The following COX7A2L variants were observed in gnomAD, a reference collection of about 807,000 sequenced individuals.
The protein encoded by COX7A2L is cytochrome c oxidase subunit 7A2-like, mitochondrial.
Under a neutral mutation model 14.2 loss-of-function variants are expected in COX7A2L, and 18 were observed. The ratio of observed to expected loss-of-function variants is 1.27; its 90% CI spans 0.88 to 1.88. The LOEUF (loss-of-function observed/expected upper bound fraction) is 1.88, where lower values mean the gene tolerates loss of function less well. COX7A2L is among the 40% of genes most tolerant of loss of function. The pLI is 0.00. For synonymous variants in COX7A2L, 65 were observed against 57.4 expected, an observed-to-expected ratio of 1.13 and a Z score of -0.60; for missense variants, 179 against 138.8, an observed-to-expected ratio of 1.29 and a Z score of -1.46.
upstream of COX7A2L, among the ~76,000 whole-genome samples, chr2:42,362,787 T>TA (rs1195926211): frequency 6.6e-6 from 1 of 151,990 alleles, no homozygotes; most frequent in Non-Finnish European, 1.5e-5. Flanking sequence ...GACACTGTGA[T>TA]ATAATGGAAA....
At chr2:42,359,895 T>C (rs1352371845) in intron 1 of COX7A2L, 1 of 150,618 alleles carries the variant, frequency 6.6e-6, no homozygotes, top group Non-Finnish European at 1.5e-5. Context: ...TAGAATCATC[T>C]GTTTTTGTTT....
downstream of COX7A2L, among the ~76,000 whole-genome samples, chr2:42,348,177 C>T (rs1670535601): frequency 6.6e-6 from 1 of 152,138 alleles, no homozygotes. Flanking sequence ...CTCATCTTCA[C>T]AGAAGAAATA....
At position 42,349,998 on chromosome 2, in the gene COX7A2L, G is replaced by A. The variant is rs928450768; in HGVS notation, c.*1221C>T. The A allele has an allele frequency of 6.6e-6, 1 of 152,108 alleles. No homozygotes were observed. The highest frequency in any genetic ancestry group is 1.5e-5 in the Non-Finnish European group (1 of 68,018). 9.4% of individuals were successfully genotyped at this position (152,108 alleles called of 1,614,324 possible). A position where few individuals can be genotyped will look rare whatever the true frequency, so the allele number is the denominator to read the frequency against. ...ATATTGTACTATGCTTAGTCCTTCTGTAGTCTGAAAATTTTCAAAATAAAA... is the reference window on the plus strand; with the variant it reads ...ATATTGTACTATGCTTAGTCCTTCTATAGTCTGAAAATTTTCAAAATAAAA... On this transcript the variant is annotated 3_prime_UTR_variant, in exon 3 of 3. Transcript: ENST00000234301.
intron 2 of COX7A2L, among the ~76,000 whole-genome samples, chr2:42,344,033 C>T (rs1030988900): frequency 6.6e-6 from 1 of 152,174 alleles, no homozygotes; most frequent in Non-Finnish European, 1.5e-5. Flanking sequence ...CACTGCTTTA[C>T]AAGGACAAGT....
chr2:42,335,733 T>C (rs1313495139), intron 2 of COX7A2L, among the ~76,000 whole-genome samples: 1 of 152,222 alleles, frequency 6.6e-6, no homozygotes, highest in East Asian at 1.9e-4. Flanking sequence ...TCGCTTGCTG[T>C]AGGTTATATG....
At chr2:42,364,537 G>A (rs796494173), upstream of COX7A2L, among the ~76,000 whole-genome samples, 15 of 152,214 alleles carry the variant, frequency 9.9e-5, no homozygotes, top group African/African-American at 3.6e-4. Context: ...AAAGCAAAAT[G>A]GAGTGCTAAA....
Position 42,342,698 on chromosome 2 carries a change from G to A in COX7A2L, c.193-8829C>T, listed in dbSNP as rs905992164. Among the ~76,000 whole-genome samples, 1 of 152,194 alleles carries A rather than the reference G, an allele frequency of 6.6e-6. No homozygotes were observed. Among genetic ancestry groups the A allele is most frequent in the Non-Finnish European group, 1.5e-5 (1 of 68,028 alleles). On this transcript the variant is annotated intron_variant, in intron 2 of 2. Transcript: ENST00000468711. This position sits in a 1 kb window ranked among gnomAD's most constrained non-coding sequence, Gnocchi z 4.9. Reference sequence around the variant, plus strand: ...ATGACTAATCTATGTCATAGACGAGGTCAGAACAAGAGAAGGCAGGATGTC... The same window carrying A: ...ATGACTAATCTATGTCATAGACGAGATCAGAACAAGAGAAGGCAGGATGTC...
downstream of COX7A2L, among the ~76,000 whole-genome samples, chr2:42,349,075 C>T (rs1040445442): frequency 6.6e-6 from 1 of 152,118 alleles, no homozygotes; most frequent in Non-Finnish European, 1.5e-5. Flanking sequence ...AAATGTTAAA[C>T]AGAGTTACCA....
At position 42,339,371 on chromosome 2, in the gene COX7A2L, C is replaced by T. The variant is rs923024800; in HGVS notation, c.193-5502G>A. Among the ~76,000 whole-genome samples, 2 of 152,180 alleles carry T rather than the reference C, an allele frequency of 1.3e-5. No individual in the cohort carries two copies. Among genetic ancestry groups the T allele is most frequent in the African/African-American group, 4.8e-5 (2 of 41,432 alleles). ...GCTAGGCTCCGTTCCACACCACTCA[C>T]TCGAAGCATGAGAGACACACACTAG... On this transcript the variant is annotated intron_variant, in intron 2 of 2. Transcript: ENST00000468711. The surrounding 1 kb of genome is among the most constrained non-coding windows in gnomAD (Gnocchi z 5.4).
At chr2:42,347,526 A>C (rs1215860166), downstream of COX7A2L, among the ~76,000 whole-genome samples, 2 of 152,232 alleles carry the variant, frequency 1.3e-5, no homozygotes, top group Non-Finnish European at 2.9e-5. Context: ...ACATTCATAA[A>C]ATAAAATCCA....
intron 2 of COX7A2L, among the ~76,000 whole-genome samples, chr2:42,341,209 A>C (rs1239292140): frequency 3.3e-5 from 5 of 152,094 alleles, no homozygotes; most frequent in Non-Finnish European, 7.4e-5. Flanking sequence ...GGAGCGTGGA[A>C]TGCTGGCCCT....
intron 2 of COX7A2L, among the ~76,000 whole-genome samples, chr2:42,340,121 A>G (rs910471672): frequency 2.6e-5 from 4 of 152,130 alleles, no homozygotes; most frequent in Non-Finnish European, 4.4e-5. Context: ...TAGAAGACCC[A>G]TAGGCAACCC....
intron 1 of COX7A2L, among the ~76,000 whole-genome samples, chr2:42,358,479 C>A (rs1187025409): frequency 6.6e-6 from 1 of 152,146 alleles, no homozygotes; most frequent in East Asian, 1.9e-4. Context: ...ACATCTTCAT[C>A]GTATGTTTCC....
intron 1 of COX7A2L, among the ~76,000 whole-genome samples, chr2:42,353,906 C>G (rs746083345): frequency 2.2e-4 from 33 of 152,068 alleles, no homozygotes; most frequent in Non-Finnish European, 4.6e-4. Flanking sequence ...AAAATTTAAA[C>G]AAGGTGAAGG....
chr2:42,354,280 TG>T lies in COX7A2L; in HGVS notation c.73-938del, dbSNP rs540737786. Among the ~76,000 whole-genome samples, 8 of 151,920 alleles carry T rather than the reference TG, an allele frequency of 5.3e-5. No homozygotes were observed. In the South Asian group the frequency reaches 1.0e-3, roughly 20 times the overall value. On this transcript the variant is annotated intron_variant, in intron 1 of 2. Transcript: ENST00000234301. ...TCAATAAAGCTGCTTTAAAAAAAGG[TG>T]GGGGGGATCTCTGGTTTTTTTATCT...
Position 42,361,129 on chromosome 2 carries a change from C to T in COX7A2L, c.33G>A (p.Lys11=). The T allele has an allele frequency of 6.2e-7, 1 of 1,613,932 alleles. No homozygotes were observed. The highest frequency in any genetic ancestry group is 8.5e-7 in the Non-Finnish European group (1 of 1,179,952). Residue 11 remains lysine, a synonymous_variant, in exon 1 of 3, where the codon AAG becomes AAA. Transcript: ENST00000234301. MYYKFSGFTQ[K]LAGAWASEAY... is the part of the protein sequence containing the mutation. Reference sequence around the variant, plus strand: ...CCTCCGAAGCCCATGCTCCTGCCAACTTCTGCGTGAAGCCACTAAACTTGT... The same window carrying T: ...CCTCCGAAGCCCATGCTCCTGCCAATTTCTGCGTGAAGCCACTAAACTTGT...
chr2:42,344,808 G>A (rs1384669572), downstream of COX7A2L, among the ~76,000 whole-genome samples: 6 of 150,626 alleles, frequency 4.0e-5, no homozygotes, highest in African/African-American at 1.2e-4. Context: ...CTGAGATTGC[G>A]CCACTGTACT....
chr2:42,349,919 C>G lies in COX7A2L; in HGVS notation c.*1300G>C, dbSNP rs1212466327. 3.9e-5 allele frequency: 6 copies of G among 152,106 alleles called. No individual in the cohort carries two copies. The highest frequency in any genetic ancestry group is 6.5e-5 in the Admixed American group (1 of 15,268). The allele number at this position is 152,106 out of a possible 1,614,324, so 9.4% of individuals were successfully genotyped here. ...GCCTGTGTGAGAGAACAAGAAAAAG[C>G]AAAGGTGCCAATATATTGATAACTG... On this transcript the variant is annotated 3_prime_UTR_variant, in exon 3 of 3. Coordinates refer to ENST00000234301, the MANE Select transcript of COX7A2L (RefSeq NM_004718.4).
chr2:42,353,618 A>T (rs148991832), intron 1 of COX7A2L, among the ~76,000 whole-genome samples: 75 of 152,338 alleles, frequency 4.9e-4, no homozygotes, highest in Non-Finnish European at 9.0e-4. Flanking sequence ...CGAACTTGTC[A>T]TTAGCTTTCA....
Sources: allele counts gnomAD v4.1 joint callset (sites outside exome capture counted in the v4.1 genomes callset), GRCh38; gene constraint gnomAD v4.1.1; non-coding constraint Gnocchi (gnomAD v3.1); transcripts MANE v1.5; gene names NCBI Gene and HGNC (gene_info 2026-07-23, HGNC 2026-07-21).